The following UTRN variants were observed in gnomAD, a reference collection of about 807,000 sequenced individuals.
The protein encoded by UTRN is utrophin.
In UTRN, 283 loss-of-function variants were observed where a neutral mutation model predicts 463.9. The observed-to-expected ratio is 0.61, with a 90% CI of 0.55 to 0.67. The LOEUF (loss-of-function observed/expected upper bound fraction) is 0.67. Ranked by LOEUF, UTRN falls within the 30% of genes least tolerant of loss-of-function variation. The pLI is 0.00. For synonymous variants in UTRN, 1,442 were observed against 1,431.5 expected (o/e 1.01, Z -0.17); for missense variants, 3,922 against 4,084.3 (o/e 0.96, Z 1.08).
intron 53 of UTRN, among the ~76,000 whole-genome samples, chr6:144,717,405 G>A (rs1786583274): frequency 6.6e-6 from 1 of 152,116 alleles, no homozygotes; most frequent in Admixed American, 6.5e-5. Context: ...AAATTAGTGT[G>A]TGTGATGTCA....
Position 144,752,733 on chromosome 6 carries a change from CT to C in UTRN, c.8355+790del, listed in dbSNP as rs1207690183. ...AACATAGAAATATTTGTTCTTTATT[CT>C]TTTTTTTTCTTCTGCTCTGTTTCTC... On this transcript the variant is annotated intron_variant, in intron 56 of 74. Transcript: ENST00000367545. Among the ~76,000 whole-genome samples, 8 of 151,494 alleles carry C rather than the reference CT, an allele frequency of 5.3e-5. No individual in the cohort carries two copies. In the East Asian group the frequency reaches 5.8e-4, roughly 11 times the overall value.
At chr6:144,377,528 C>T (rs1219992986) in intron 2 of UTRN, among the ~76,000 whole-genome samples, 1 of 152,200 alleles carries the variant, frequency 6.6e-6, no homozygotes, top group Admixed American at 6.5e-5. Context: ...AGCCTTGATG[C>T]TAGCCTGAGA....
chr6:144,431,001 A>G (rs896639740), intron 9 of UTRN, among the ~76,000 whole-genome samples: 5 of 152,186 alleles, frequency 3.3e-5, no homozygotes, highest in Non-Finnish European at 5.9e-5. Flanking sequence ...TCTCTTTTGT[A>G]GTGAATATCA....
chr6:144,679,238 A>T (rs997191650), intron 52 of UTRN, among the ~76,000 whole-genome samples: 1 of 152,124 alleles, frequency 6.6e-6, no homozygotes, highest in East Asian at 1.9e-4. Context: ...CTAGGAAAAG[A>T]CCTTGAAAAT....
intron 2 of UTRN, among the ~76,000 whole-genome samples, chr6:144,323,955 G>A (rs988179420): frequency 6.6e-6 from 1 of 152,160 alleles, no homozygotes; most frequent in Non-Finnish European, 1.5e-5. Context: ...GATCTGCAAG[G>A]TGGCCTTGAA....
chr6:144,570,510 C>A (rs932444200), intron 50 of UTRN, among the ~76,000 whole-genome samples: 4 of 152,082 alleles, frequency 2.6e-5, no homozygotes, highest in Non-Finnish European at 4.4e-5. Context: ...CTACCTTAAT[C>A]CAAAATCCAT....
At chr6:144,678,015 TA>T (rs1412802700) in intron 51 of UTRN, among the ~76,000 whole-genome samples, 1 of 152,196 alleles carries the variant, frequency 6.6e-6, no homozygotes, top group Non-Finnish European at 1.5e-5. Context: ...GTCAGATGGA[TA>T]GATTGCAGAA....
At chr6:144,650,646 C>G (rs1778715417) in intron 51 of UTRN, among the ~76,000 whole-genome samples, 1 of 152,196 alleles carries the variant, frequency 6.6e-6, no homozygotes, top group Non-Finnish European at 1.5e-5. Context: ...CGCCGTGGCT[C>G]ACGCCTGTAA....
At chr6:144,558,230 C>T (rs548615818) in intron 50 of UTRN, among the ~76,000 whole-genome samples, 3 of 152,104 alleles carry the variant, frequency 2.0e-5, no homozygotes, top group Non-Finnish European at 4.4e-5. Context: ...TAGTTACAAT[C>T]TCTGAAGCTC....
At chr6:144,817,828 C>T (rs576280183) in intron 65 of UTRN, among the ~76,000 whole-genome samples, 60 of 152,166 alleles carry the variant, frequency 3.9e-4, no homozygotes, top group South Asian at 1.0e-3. Flanking sequence ...GCTAGCTTTT[C>T]CCCAAGGAAA....
chr6:144,392,966 G>C (rs1376459381), intron 2 of UTRN, among the ~76,000 whole-genome samples: 1 of 152,116 alleles, frequency 6.6e-6, no homozygotes, highest in Admixed American at 6.5e-5. Flanking sequence ...GCTGGTGCTT[G>C]TTGCATCCAG....
intron 53 of UTRN, among the ~76,000 whole-genome samples, chr6:144,725,627 T>C (rs1455621204): frequency 6.6e-6 from 1 of 152,210 alleles, no homozygotes; most frequent in East Asian, 1.9e-4. Context: ...AAACAGCTCA[T>C]TGGAGTCTAA....
intron 51 of UTRN, among the ~76,000 whole-genome samples, chr6:144,584,485 C>T (rs1802271767): frequency 6.6e-6 from 1 of 152,058 alleles, no homozygotes; most frequent in South Asian, 2.1e-4. Context: ...TGCCCAAACT[C>T]ATTTGTGATC....
In UTRN at chr6:144,523,182, G is replaced by A. The variant is rs1043522261; in HGVS notation, c.5900G>A (p.Arg1967Gln). Residue 1967 changes from arginine (R) to glutamine (Q), a missense_variant, in exon 41 of 75, where the codon CGG (arginine) becomes CAG (glutamine). Coordinates refer to ENST00000367545, the MANE Select transcript of UTRN (RefSeq NM_007124.3). Reference protein sequence around the residue: ...WDRINRMYSDRKGCFDRAMEE... With the variant: ...WDRINRMYSDQKGCFDRAMEE... ...AGAATTAATAGAATGTACAGTGATC[G>A]GAAAGGGTATGTGTAAATGAAATTA... The A allele has an allele frequency of 9.5e-6, 15 of 1,587,162 alleles. No individual in the cohort carries two copies. The highest frequency in any genetic ancestry group is 1.8e-5 in the Admixed American group (1 of 55,070).
chr6:144,385,535 CA>C (rs935391984), intron 2 of UTRN, among the ~76,000 whole-genome samples: 3 of 152,120 alleles, frequency 2.0e-5, no homozygotes, highest in African/African-American at 7.2e-5. Flanking sequence ...AAAAGACCAG[CA>C]AATGTTCAAG....
At chr6:144,678,191 G>C (rs1781838275) in intron 51 of UTRN, among the ~76,000 whole-genome samples, 1 of 152,112 alleles carries the variant, frequency 6.6e-6, no homozygotes. Flanking sequence ...AAAAGAGCCT[G>C]TATAGCCAAG....
At chr6:144,738,440 A>C (rs991586364) in intron 54 of UTRN, among the ~76,000 whole-genome samples, 2 of 152,122 alleles carry the variant, frequency 1.3e-5, no homozygotes, top group Admixed American at 1.3e-4. Flanking sequence ...CCTTCAGTTC[A>C]GTTTAAAAGT....
At position 144,852,718 on chromosome 6, in the gene UTRN, CA is replaced by C. The variant is rs529366043; in HGVS notation, c.*1723del. The C allele has an allele frequency of 2.6e-5, 4 of 152,690 alleles. No homozygotes were observed. In the South Asian group the frequency reaches 8.3e-4, roughly 32 times the overall value. 9.5% of individuals were successfully genotyped at this position (152,690 alleles called of 1,614,324 possible). On this transcript the variant is annotated 3_prime_UTR_variant, in exon 75 of 75. Transcript: ENST00000367545. ...AGAAAGCACCTATTTAAAGAAAAAA[CA>C]ATTCCCTGAGCTCTCAACTCCAAGT... is the stretch of plus-strand genomic sequence containing the variant.
At chr6:144,296,336 G>A (rs192325921) in intron 2 of UTRN, among the ~76,000 whole-genome samples, 1 of 152,322 alleles carries the variant, frequency 6.6e-6, no homozygotes, top group Non-Finnish European at 1.5e-5. Flanking sequence ...CTCCTTATGA[G>A]AATCTAATGC....
Sources: allele counts gnomAD v4.1 joint callset (sites outside exome capture counted in the v4.1 genomes callset), GRCh38; gene constraint gnomAD v4.1.1; transcripts MANE v1.5; gene names NCBI Gene and HGNC (gene_info 2026-07-23, HGNC 2026-07-21).